ABCF1: variants seen among roughly 807,000 people sequenced by gnomAD.
ABCF1 encodes ATP binding cassette subfamily F member 1.
ABCF1 carries 73 observed loss-of-function variants against 126.3 expected under a neutral mutation model. The ratio of observed to expected loss-of-function variants is 0.58; its 90% confidence interval spans 0.48 to 0.70. The LOEUF (loss-of-function observed/expected upper bound fraction) is 0.70. ABCF1 is among the 30% of genes least tolerant of loss of function. The pLI is 0.00. For synonymous variants in ABCF1, 345 were observed against 396.4 expected (o/e 0.87, Z 1.54); for missense variants, 786 against 1,057.5 (o/e 0.74, Z 3.56).
chr6:30,584,172 G>C lies in ABCF1; in HGVS notation c.1103-20G>C. The C allele has an allele frequency of 1.2e-6, 2 of 1,604,596 alleles. No individual in the cohort carries two copies. Among genetic ancestry groups the C allele is most frequent in the East Asian group, 2.2e-5 (1 of 44,800 alleles). On this transcript the variant is annotated intron_variant, in intron 12 of 24. Transcript: ENST00000326195. This position sits in a 1 kb window ranked among gnomAD's most constrained non-coding sequence, Gnocchi z 4.6. ...TCTTGGCTCTTGAGGCTGCCTGACT[G>C]TTCTCCCTCTGCCTCCCAGAGGTGG...
rs369569740 is a variant in ABCF1, at chr6:30,583,128, C to A, written c.855C>A (p.Ser285=). The A allele has an allele frequency of 1.9e-6, 3 of 1,611,604 alleles. No individual in the cohort carries two copies. The highest frequency in any genetic ancestry group is 2.5e-6 in the Non-Finnish European group (3 of 1,178,796). ...CCAATGCAGCTGAAAATGACTTCTC[C>A]GTGTCCCAGGCGGAGATGTCCTCCC... ...KAANAAENDF[S]VSQAEMSSRQ... The change falls in exon 10 of 25, where the codon TCC becomes TCA. Residue 285 remains serine (S), a synonymous_variant. Transcript: ENST00000326195. This position sits in a 1 kb window ranked among gnomAD's most constrained non-coding sequence, Gnocchi z 4.1.
At position 30,583,961 on chromosome 6, in the gene ABCF1, T is replaced by C. The variant is rs1338900578; in HGVS notation, c.1102+71T>C. 5.8e-6 allele frequency: 9 copies of C among 1,548,876 alleles called. No individual in the cohort carries two copies. Among genetic ancestry groups the C allele is most frequent in the Non-Finnish European group, 8.0e-6 (9 of 1,127,102 alleles). ...GGTAGAAAAGCCAGCCAGCCAAGAA[T>C]AGAAGAAATTGTGGCTATGGAGTTG... On this transcript the variant is annotated intron_variant, in intron 12 of 24. Transcript: ENST00000326195. This position sits in a 1 kb window ranked among gnomAD's most constrained non-coding sequence, Gnocchi z 4.1.
At chr6:30,580,189 C>CA (rs1265102699) in intron 7 of ABCF1, among the ~76,000 whole-genome samples, 184 bp downstream of exon 7, 2 of 150,990 alleles carry the variant, frequency 1.3e-5, no homozygotes, top group African/African-American at 4.9e-5. Flanking sequence ...ACTAAAAATA[C>CA]AAAAAAAATT....
chr6:30,580,208 G>A (rs1489074847), intron 7 of ABCF1, among the ~76,000 whole-genome samples, 198 bp from the exon 8 acceptor site: 2 of 151,948 alleles, frequency 1.3e-5, no homozygotes, highest in Non-Finnish European at 2.9e-5. Flanking sequence ...TTAGCCGGGC[G>A]TGGTGGCGGG....
In ABCF1 at chr6:30,582,527, C is replaced by T. The variant is rs745724823; in HGVS notation, c.792+20C>T. The T allele has an allele frequency of 9.3e-6, 15 of 1,611,060 alleles. No homozygotes were observed. The highest frequency in any genetic ancestry group is 5.5e-5 in the South Asian group (5 of 90,850). On this transcript the variant is annotated intron_variant, in intron 9 of 24. Transcript: ENST00000326195. ...AAACAGGTAAGACCTTGGTTCTTAGCGGTCAAAAGTAGGGGATTTTTAAAT... is the reference window on the plus strand; with the variant it reads ...AAACAGGTAAGACCTTGGTTCTTAGTGGTCAAAAGTAGGGGATTTTTAAAT...
At position 30,586,710 on chromosome 6, in the gene ABCF1, C is replaced by A. The variant is rs762848174; in HGVS notation, c.2030C>A (p.Pro677Gln). The A allele has an allele frequency of 2.5e-6, 4 of 1,613,756 alleles. No homozygotes were observed. The highest frequency in any genetic ancestry group is 3.4e-6 in the Non-Finnish European group (4 of 1,179,994). Residue 677 changes from proline (P) to glutamine (Q), a missense_variant and splice_region_variant, in exon 20 of 25, where the codon CCG becomes CAG. Pro to Gln is a moderately conservative substitution (Grantham distance 76, BLOSUM62 -1). Around this residue, in one of 4 missense-constraint regions of ABCF1, gnomAD observed 288 missense variants for 423.5 expected, o/e 0.68. Transcript: ENST00000326195. The surrounding 1 kb of genome is among the most constrained non-coding windows in gnomAD (Gnocchi z 4.9). ...LLLLLTGKLT[P>Q]THGEMRKNHR... ...CTGCTGCTGACTGGCAAGCTGACAC[C>A]GGTGAGTCCTGGAGCCAAGGAGGGA...
At position 30,584,711 on chromosome 6, in the gene ABCF1, G is replaced by T. The variant is rs1802019210; in HGVS notation, c.1391+145G>T. 8.3e-7 allele frequency: 1 copy of T among 1,199,810 alleles called. No individual in the cohort carries two copies. Among genetic ancestry groups the T allele is most frequent in the East Asian group, 2.5e-5 (1 of 39,632 alleles). The allele number at this position is 1,199,810 out of a possible 1,614,324, so 74.3% of individuals were successfully genotyped here. On this transcript the variant is annotated intron_variant, in intron 14 of 24. Coordinates refer to ENST00000326195, the MANE Select transcript of ABCF1 (RefSeq NM_001025091.2). This position sits in a 1 kb window ranked among gnomAD's most constrained non-coding sequence, Gnocchi z 4.6. ...ACTATCTGTGTTGTGAGAACTTAGG[G>T]TCTTTCTCTATTTATCTCCCTACTT...
At chr6:30,577,599 C>A in intron 2 of ABCF1, 144 bp downstream of exon 2, 1 of 1,120,612 alleles carries the variant, frequency 8.9e-7, no homozygotes, top group Non-Finnish European at 1.3e-6. Flanking sequence ...TGGCTTACAC[C>A]TGTAATCCCA....
In ABCF1 at chr6:30,582,455, A is replaced by T. The variant is rs933349143; in HGVS notation, c.740A>T (p.Asp247Val). ...EEEEGGESKA[D>V]DPYAHLSKKE... is the part of the protein sequence containing the mutation. ...GAGGAAGGAGGAGAGTCTAAGGCAG[A>T]TGATCCCTATGCTCATCTTAGCAAA... Residue 247 changes from aspartate to valine, a missense_variant, in exon 9 of 25, where the codon GAT becomes GTT. Around this residue, in one of 4 missense-constraint regions of ABCF1, gnomAD observed 322 missense variants for 322.9 expected, o/e 1.00. Transcript: ENST00000326195. The T allele has an allele frequency of 3.7e-6, 6 of 1,613,002 alleles. No homozygotes were observed. The highest frequency in any genetic ancestry group is 5.1e-6 in the Non-Finnish European group (6 of 1,179,990).
At chr6:30,579,710 C>T (rs1801705474) in intron 6 of ABCF1, among the ~76,000 whole-genome samples, 1 of 152,084 alleles carries the variant, frequency 6.6e-6, no homozygotes, top group Non-Finnish European at 1.5e-5. Context: ...CCTGCCTTGG[C>T]CTCCCAAAGT....
Position 30,586,230 on chromosome 6 carries a change from C to T in ABCF1, c.1810C>T (p.Arg604Cys), listed in dbSNP as rs1380066235. 5.0e-6 allele frequency: 8 copies of T among 1,613,912 alleles called. No homozygotes were observed. The highest frequency in any genetic ancestry group is 5.1e-6 in the Non-Finnish European group (6 of 1,179,968). Residue 604 changes from arginine (R) to cysteine (C), a missense_variant, in exon 18 of 25, where the codon CGC becomes TGC. Arg to Cys is a radical substitution (Grantham distance 180). Transcript: ENST00000326195. The surrounding 1 kb of genome is among the most constrained non-coding windows in gnomAD (Gnocchi z 4.9). ...CCAGGAGGCCCCTGAGCTCCTGAAG[C>T]GCCCTAAGGAGTACACTGTGCGCTT... ...ESQEAPELLK[R>C]PKEYTVRFTF...
Position 30,586,567 on chromosome 6 carries a change from C to T in ABCF1, c.1960+19C>T. 1 of 1,613,252 alleles carries T rather than the reference C, an allele frequency of 6.2e-7. No homozygotes were observed. The highest frequency in any genetic ancestry group is 8.5e-7 in the Non-Finnish European group (1 of 1,179,988). ...TCAAGGAGTGAGTTGGCGGGGTTGC[C>T]TCAGGGATGTGTAGCAGGAGCCACA... On this transcript the variant is annotated intron_variant, in intron 19 of 24. Coordinates refer to ENST00000326195, the MANE Select transcript of ABCF1 (RefSeq NM_001025091.2). The surrounding 1 kb of genome is among the most constrained non-coding windows in gnomAD (Gnocchi z 4.9).
At chr6:30,579,894 T>A (rs968762903) in intron 6 of ABCF1, 37 bp from the exon 7 acceptor site, 2 of 1,595,678 alleles carry the variant, frequency 1.3e-6, no homozygotes, top group Admixed American at 3.4e-5. Flanking sequence ...CAATAATTTG[T>A]ATGTATGTGT....
Position 30,586,794 on chromosome 6 carries a change from C to T in ABCF1, c.2031+83C>T, listed in dbSNP as rs1802159893. On this transcript the variant is annotated intron_variant, in intron 20 of 24. Coordinates refer to ENST00000326195, the MANE Select transcript of ABCF1 (RefSeq NM_001025091.2). The surrounding 1 kb of genome is among the most constrained non-coding windows in gnomAD (Gnocchi z 4.9). ...GCCAGAAGCTGGAATCAGGGAGCCT[C>T]TCGAGAATGTAGAGTTAAATACAGA... 6.9e-7 allele frequency: 1 copy of T among 1,448,620 alleles called. No individual in the cohort carries two copies. 89.7% of individuals were successfully genotyped at this position (1,448,620 alleles called of 1,614,324 possible). A position where few individuals can be genotyped will look rare whatever the true frequency, so the allele number is the denominator to read the frequency against.
chr6:30,584,868 G>A lies in ABCF1; in HGVS notation c.1391+302G>A, dbSNP rs966510510. On this transcript the variant is annotated intron_variant, in intron 14 of 24. Coordinates refer to ENST00000326195, the MANE Select transcript of ABCF1 (RefSeq NM_001025091.2). The surrounding 1 kb of genome is among the most constrained non-coding windows in gnomAD (Gnocchi z 4.6). ...GTTTGAGACCAGCCTGGGCAATATA[G>A]TGAGACTCTATCTTCACAAAAGGGG... Among the ~76,000 whole-genome samples the A allele has an allele frequency of 2.6e-5, 4 of 152,136 alleles. No individual in the cohort carries two copies. Among genetic ancestry groups the A allele is most frequent in the Non-Finnish European group, 5.9e-5 (4 of 68,024 alleles).
intron 24 of ABCF1, 44 bp from the exon 25 acceptor site, chr6:30,590,491 T>A: frequency 6.3e-7 from 1 of 1,588,566 alleles, no homozygotes; most frequent in Middle Eastern, 1.7e-4. Flanking sequence ...TTCCCCTCTT[T>A]CTCCTTTCTT....
intron 6 of ABCF1, among the ~76,000 whole-genome samples, chr6:30,579,482 G>A (rs1202743681): frequency 8.0e-5 from 10 of 124,466 alleles, no homozygotes; most frequent in African/African-American, 2.9e-4. Flanking sequence ...TTTTTGAGAC[G>A]GAGTCTCACT....
In ABCF1 at chr6:30,586,772, A is replaced by G. The variant is rs1582597281; in HGVS notation, c.2031+61A>G. On this transcript the variant is annotated intron_variant, in intron 20 of 24. Coordinates refer to ENST00000326195, the MANE Select transcript of ABCF1 (RefSeq NM_001025091.2). The surrounding 1 kb of genome is among the most constrained non-coding windows in gnomAD (Gnocchi z 4.9). Reference sequence around the variant, plus strand: ...ATGTGAAGACACAGCTGCTTTTGCCAGAAGCTGGAATCAGGGAGCCTCTCG... The same window carrying G: ...ATGTGAAGACACAGCTGCTTTTGCCGGAAGCTGGAATCAGGGAGCCTCTCG... The G allele has an allele frequency of 8.9e-6, 14 of 1,569,888 alleles. No homozygotes were observed. The highest frequency in any genetic ancestry group is 1.2e-5 in the Non-Finnish European group (14 of 1,142,920).
chr6:30,589,751 A>C (rs368083725), intron 21 of ABCF1, 31 bp downstream of exon 21: 134 of 1,613,958 alleles, frequency 8.3e-5, no homozygotes, highest in Non-Finnish European at 1.0e-4. Flanking sequence ...AGGGAATGAT[A>C]ATCTGATGGA....
Sources: gnomAD v4.1 joint callset for allele counts (sites outside exome capture counted in the v4.1 genomes callset) on GRCh38, gnomAD v4.1.1 for gene constraint, gnomAD v4.1.1 regional missense constraint, Gnocchi (gnomAD v3.1) non-coding constraint, MANE v1.5 for transcripts, NCBI Gene and HGNC (gene_info 2026-07-23, HGNC 2026-07-21) for gene names.